EEF2K: variants seen among roughly 807,000 people sequenced by gnomAD.
The protein encoded by EEF2K is alternative protein EEF2K.
In EEF2K, 70 loss-of-function variants were observed where a neutral mutation model predicts 93.8. The ratio of observed to expected loss-of-function variants is 0.75; its 90% CI spans 0.62 to 0.91. The LOEUF (loss-of-function observed/expected upper bound fraction) is 0.91, where lower values mean the gene tolerates loss of function less well. EEF2K is among the 40% of genes least tolerant of loss of function. The probability of loss-of-function intolerance (pLI) is 0.00; values close to 1 mark genes in which losing one functional copy is unlikely to be tolerated. For missense variants in EEF2K, 935 were observed against 972.9 expected (o/e 0.96, Z 0.52); for synonymous variants, 376 against 380.8 (o/e 0.99, Z 0.15).
chr16:22,256,562 A>C (rs1001305541), intron 6 of EEF2K, among the ~76,000 whole-genome samples, 186 bp from the exon 7 acceptor site: 1 of 152,156 alleles, frequency 6.6e-6, no homozygotes, highest in African/African-American at 2.4e-5. Flanking sequence ...TAATTTTAAA[A>C]AAATTAAAGG....
At chr16:22,222,898 A>G (rs905527774) in intron 1 of EEF2K, among the ~76,000 whole-genome samples, 1 of 130,704 alleles carries the variant, frequency 7.7e-6, no homozygotes, top group Non-Finnish European at 1.6e-5. Context: ...GATAGATAGT[A>G]CAATTCAATG....
In EEF2K at chr16:22,286,996, C is replaced by T. The variant is rs1452482730; in HGVS notation, c.*3000C>T. On this transcript the variant is annotated 3_prime_UTR_variant, in exon 18 of 18. Coordinates refer to ENST00000263026, the MANE Select transcript of EEF2K (RefSeq NM_013302.5). ...GCCTGGATACAGAGCTAAGCAAATGCTTCTTTAAGGGCCCTTAAAAGTGAA... is the reference window on the plus strand; with the variant it reads ...GCCTGGATACAGAGCTAAGCAAATGTTTCTTTAAGGGCCCTTAAAAGTGAA... 1 of 152,222 alleles carries T rather than the reference C, an allele frequency of 6.6e-6. No homozygotes were observed. Among genetic ancestry groups the T allele is most frequent in the African/African-American group, 2.4e-5 (1 of 41,446 alleles). 9.4% of individuals were successfully genotyped at this position (152,222 alleles called of 1,614,324 possible).
intron 2 of EEF2K, among the ~76,000 whole-genome samples, chr16:22,239,105 T>G (rs1254755037): frequency 1.5e-5 from 2 of 134,914 alleles, no homozygotes; most frequent in South Asian, 2.4e-4. Context: ...AAAAAAAAAG[T>G]CAGTTGCATT....
intron 17 of EEF2K, among the ~76,000 whole-genome samples, chr16:22,281,254 C>T (rs1345401457): frequency 6.6e-6 from 1 of 151,876 alleles, no homozygotes; most frequent in Non-Finnish European, 1.5e-5. Context: ...TTTCTTTTTT[C>T]TTTGAAATAG....
intron 1 of EEF2K, among the ~76,000 whole-genome samples, chr16:22,218,936 TAA>T (rs11370005): frequency 1.8e-5 from 2 of 111,974 alleles, no homozygotes; most frequent in Non-Finnish European, 2.0e-5. Flanking sequence ...ACAAAAAAAT[TAA>T]AAAAAAAAAA....
chr16:22,263,222 C>A, intron 12 of EEF2K, 35 bp downstream of exon 12: 2 of 1,585,524 alleles, frequency 1.3e-6, no homozygotes, highest in Non-Finnish European at 1.7e-6. Context: ...CCGGTGTCAC[C>A]TGTTGCCTTG....
intron 2 of EEF2K, among the ~76,000 whole-genome samples, chr16:22,228,075 ACAATCTCAGCTCACTGCAAC>A (rs1055968629): frequency 1.0e-4 from 13 of 127,044 alleles, no homozygotes; most frequent in Non-Finnish European, 1.7e-4. Context: ...GTGCAGTGGC[ACAATCTCAGCTCACTGCAAC>A]CTCCACCTCC....
At chr16:22,207,386 T>C (rs1182268765) in intron 1 of EEF2K, among the ~76,000 whole-genome samples, 4 of 152,054 alleles carry the variant, frequency 2.6e-5, no homozygotes, top group Non-Finnish European at 4.4e-5. Flanking sequence ...ACCTCGGTGG[T>C]GGGTGCTTCT....
chr16:22,236,934 CTTTTTTTT>C (rs71151665), intron 2 of EEF2K, among the ~76,000 whole-genome samples: 4 of 56,228 alleles, frequency 7.1e-5, no homozygotes, highest in East Asian at 7.7e-4. Context: ...CCACAGACCT[CTTTTTTTT>C]TTTTTTTTTT....
At chr16:22,276,638 G>A (rs2047638899) in intron 16 of EEF2K, among the ~76,000 whole-genome samples, 1 of 152,144 alleles carries the variant, frequency 6.6e-6, no homozygotes, top group Admixed American at 6.6e-5. Flanking sequence ...CATCGGGTTG[G>A]GGTGGACAGG....
chr16:22,262,370 C>T (rs868510680), intron 11 of EEF2K, among the ~76,000 whole-genome samples: 8 of 152,046 alleles, frequency 5.3e-5, no homozygotes, highest in African/African-American at 1.2e-4. Flanking sequence ...ATTAGCCAGG[C>T]GTGGTGGCAG....
intron 6 of EEF2K, among the ~76,000 whole-genome samples, chr16:22,251,900 C>T (rs2047355922): frequency 6.6e-6 from 1 of 152,074 alleles, no homozygotes; most frequent in South Asian, 2.1e-4. Context: ...CTTGAACAAT[C>T]CTCCCAGCTT....
intron 16 of EEF2K, among the ~76,000 whole-genome samples, chr16:22,277,919 A>G (rs2047653763): frequency 6.6e-6 from 1 of 152,068 alleles, no homozygotes; most frequent in East Asian, 1.9e-4. Context: ...GGAGAGGGAG[A>G]GCAGGTCAAG....
At chr16:22,251,115 G>T (rs1200092241) in intron 5 of EEF2K, 36 bp from the exon 6 acceptor site, 12 of 1,595,706 alleles carry the variant, frequency 7.5e-6, no homozygotes, top group Non-Finnish European at 1.0e-5. Flanking sequence ...GAACCCCAGA[G>T]TACCCAGGTA....
intron 3 of EEF2K, 101 bp downstream of exon 3, chr16:22,244,831 G>A (rs539865580): frequency 1.6e-6 from 2 of 1,228,182 alleles, no homozygotes; most frequent in Non-Finnish European, 2.3e-6. Context: ...TCAGGGGAAG[G>A]GAGTAATCAT....
intron 16 of EEF2K, among the ~76,000 whole-genome samples, 182 bp from the exon 17 acceptor site, chr16:22,280,016 G>GTGAATGAATGGA (rs138782075): frequency 0.2 from 29,676 of 152,018 alleles, 5,604 homozygotes; most frequent in African/African-American, 0.5. Context: ...GAATGAATGA[G>GTGAATGAATGGA]TGAATGAATA....
Position 22,285,444 on chromosome 16 carries a change from A to G in EEF2K, c.*1448A>G, listed in dbSNP as rs749953292. 1 of 152,234 alleles carries G rather than the reference A, an allele frequency of 6.6e-6. No individual in the cohort carries two copies. The highest frequency in any genetic ancestry group is 1.5e-5 in the Non-Finnish European group (1 of 68,048). 9.4% of individuals were successfully genotyped at this position (152,234 alleles called of 1,614,324 possible). A position where few individuals can be genotyped will look rare whatever the true frequency, so the allele number is the denominator to read the frequency against. Reference sequence around the variant, plus strand: ...TCTAGTAGTCTCCCCATGGCCAGACAATGGCGATTGTTATTTAATGAGCTT... The same window carrying G: ...TCTAGTAGTCTCCCCATGGCCAGACGATGGCGATTGTTATTTAATGAGCTT... On this transcript the variant is annotated 3_prime_UTR_variant, in exon 18 of 18. Coordinates refer to ENST00000263026, the MANE Select transcript of EEF2K (RefSeq NM_013302.5).
intron 17 of EEF2K, among the ~76,000 whole-genome samples, chr16:22,281,244 T>G (rs2047690332): frequency 6.6e-6 from 1 of 152,150 alleles, no homozygotes; most frequent in African/African-American, 2.4e-5. Flanking sequence ...CTTTTCTTTC[T>G]TTCTTTTTTC....
chr16:22,234,877 C>CTTTTTTTTTTTTTT (rs1173052779), intron 2 of EEF2K, among the ~76,000 whole-genome samples: 4 of 90,622 alleles, frequency 4.4e-5, no homozygotes, highest in East Asian at 4.2e-4. Flanking sequence ...TTTTTTGTTG[C>CTTTTTTTTTTTTTT]TTTTTTTTTT....
Sources: allele counts gnomAD v4.1 joint callset (sites outside exome capture counted in the v4.1 genomes callset), GRCh38; gene constraint gnomAD v4.1.1; transcripts MANE v1.5; gene names NCBI Gene and HGNC (gene_info 2026-07-23, HGNC 2026-07-21).